STX11: variants seen among roughly 807,000 people sequenced by gnomAD.
The protein encoded by STX11 is syntaxin-11.
A neutral mutation model predicts 19.9 loss-of-function variants in STX11; 21 were observed. The ratio of observed to expected loss-of-function variants is 1.06; its 90% CI spans 0.75 to 1.52. The LOEUF (loss-of-function observed/expected upper bound fraction) is 1.52. Among genes scored for constraint, STX11 ranks in the 40% most tolerant of loss-of-function variants. The pLI, the probability that STX11 is intolerant of heterozygous loss-of-function variation, is 0.00. For missense variants in STX11, 438 were observed against 405.9 expected (o/e 1.08, Z -0.68); for synonymous variants, 193 against 174.4 (o/e 1.11, Z -0.84).
In STX11 at chr6:144,152,954, A is replaced by G. The variant is rs1191809533; in HGVS notation, c.-6+2251A>G. Among the ~76,000 whole-genome samples, 4 of 152,220 alleles carry G rather than the reference A, an allele frequency of 2.6e-5. No homozygotes were observed. The East Asian group carries it at 7.7e-4, about 29-fold the overall frequency. On this transcript the variant is annotated intron_variant, in intron 1 of 1. Transcript: ENST00000367568. The surrounding 1 kb of genome is among the most constrained non-coding windows in gnomAD (Gnocchi z 4.9). Reference sequence around the variant, plus strand: ...CTGCCTAATAGTTTATACATTGGTAACACTATATTGAAGCGAGTTTATGAT... The same window carrying G: ...CTGCCTAATAGTTTATACATTGGTAGCACTATATTGAAGCGAGTTTATGAT...
rs1043749779 is a variant in STX11, at chr6:144,182,457, T to C, written c.-5-4166T>C. On this transcript the variant is annotated intron_variant, in intron 1 of 1. Transcript: ENST00000367568. The surrounding 1 kb of genome is among the most constrained non-coding windows in gnomAD (Gnocchi z 4.8). ...CAATAGAGAATCTTTATGTCTCCTG[T>C]ACCCTTTCTTTTTCTCTTATTAGCA... Among the ~76,000 whole-genome samples the C allele has an allele frequency of 1.3e-5, 2 of 152,230 alleles. No homozygotes were observed. The highest frequency in any genetic ancestry group is 1.9e-4 in the East Asian group (1 of 5,204).
At chr6:144,158,694 T>C (rs936263062) in intron 1 of STX11, among the ~76,000 whole-genome samples, 1 of 152,250 alleles carries the variant, frequency 6.6e-6, no homozygotes. Context: ...CTTAAAACTT[T>C]AATAATTGTC....
At chr6:144,147,174 A>AC (rs199765716), upstream of STX11, among the ~76,000 whole-genome samples, 16 of 152,128 alleles carry the variant, frequency 1.1e-4, no homozygotes, top group East Asian at 7.8e-4. This position sits in a 1 kb window ranked among gnomAD's most constrained non-coding sequence, Gnocchi z 4.2. Flanking sequence ...TTAAAAAAAA[A>AC]AAAAACTGCT....
chr6:144,171,572 A>G (rs1227351778), intron 1 of STX11, among the ~76,000 whole-genome samples: 1 of 152,226 alleles, frequency 6.6e-6, no homozygotes, highest in Non-Finnish European at 1.5e-5. Context: ...ACTGAAACTC[A>G]GCCAAGGTTA....
rs1801269128 is a variant in STX11 at position 144,159,294 on chromosome 6, A to G, written c.-6+8591A>G. Among the ~76,000 whole-genome samples the G allele has an allele frequency of 6.6e-6, 1 of 152,254 alleles. No homozygotes were observed. The highest frequency in any genetic ancestry group is 2.1e-4 in the South Asian group (1 of 4,834). ...AAGCAGAGAAGATAAGTAACAATTG[A>G]ATATGTTATCAAACAACTACCAATA... is the stretch of plus-strand genomic sequence containing the variant. On this transcript the variant is annotated intron_variant, in intron 1 of 1. Transcript: ENST00000367568. This position sits in a 1 kb window ranked among gnomAD's most constrained non-coding sequence, Gnocchi z 4.3.
intron 1 of STX11, among the ~76,000 whole-genome samples, chr6:144,179,541 G>A (rs560841477): frequency 3.4e-4 from 52 of 152,302 alleles, no homozygotes; most frequent in Admixed American, 3.4e-3. Flanking sequence ...GGTGCCTCTG[G>A]TAGCGGGGAT....
chr6:144,165,571 G>C lies in STX11; in HGVS notation c.-6+14868G>C, dbSNP rs2128750238. Among the ~76,000 whole-genome samples the C allele has an allele frequency of 6.6e-6, 1 of 152,282 alleles. No homozygotes were observed. The highest frequency in any genetic ancestry group is 1.5e-5 in the Non-Finnish European group (1 of 68,020). On this transcript the variant is annotated intron_variant, in intron 1 of 1. Transcript: ENST00000367568. The surrounding 1 kb of genome is among the most constrained non-coding windows in gnomAD (Gnocchi z 5.8). ...CCTAACTCTTGTCTTCCTGAAGTTT[G>C]AGCTGAATAGAGCATTAATATGCTG...
chr6:144,187,722 G>A lies in STX11; in HGVS notation c.*231G>A. The A allele has an allele frequency of 1.6e-6, 1 of 637,936 alleles. No homozygotes were observed. The highest frequency in any genetic ancestry group is 2.8e-6 in the Non-Finnish European group (1 of 359,540). 39.5% of individuals were successfully genotyped at this position (637,936 alleles called of 1,614,324 possible). Reference sequence around the variant, plus strand: ...TAAAGATAGATTCCCACAAAGTTGTGCAATGTCATTATATGACACCTTGCA... The same window carrying A: ...TAAAGATAGATTCCCACAAAGTTGTACAATGTCATTATATGACACCTTGCA... On this transcript the variant is annotated 3_prime_UTR_variant, in exon 2 of 2. Coordinates refer to ENST00000367568, the MANE Select transcript of STX11 (RefSeq NM_003764.4). This position sits in a 1 kb window ranked among gnomAD's most constrained non-coding sequence, Gnocchi z 5.6.
chr6:144,140,258 A>ATATATATATATT, the STX11 span, among the ~76,000 whole-genome samples: 1 of 52,506 alleles, frequency 1.9e-5, no homozygotes, highest in African/African-American at 1.4e-4. Context: ...ATATATATTT[A>ATATATATATATT]TTTATTTATT....
rs1191510922 is a variant in STX11, at chr6:144,150,543, C to G, written c.-166C>G. ...GATGCGGCCGCGGCGGCGCGGAGCT[C>G]GGGCGGCCGTGGAGGAACTCAGCCT... On this transcript the variant is annotated 5_prime_UTR_variant, in exon 1 of 2. Transcript: ENST00000367568. 2 of 985,276 alleles carry G rather than the reference C, an allele frequency of 2.0e-6. No homozygotes were observed. The highest frequency in any genetic ancestry group is 1.7e-5 in the African/African-American group (1 of 57,204). 61.0% of individuals were successfully genotyped at this position (985,276 alleles called of 1,614,324 possible).
At chr6:144,164,504 T>C (rs1045424694) in intron 1 of STX11, among the ~76,000 whole-genome samples, 2 of 152,228 alleles carry the variant, frequency 1.3e-5, no homozygotes, top group South Asian at 4.1e-4. Flanking sequence ...TCTGCAGTTT[T>C]GGACATATAA....
At chr6:144,168,838 A>C (rs936827247) in intron 1 of STX11, among the ~76,000 whole-genome samples, 1 of 152,248 alleles carries the variant, frequency 6.6e-6, no homozygotes, top group Non-Finnish European at 1.5e-5. Flanking sequence ...TCATTGATCT[A>C]AGGATACCTT....
chr6:144,184,886 G>C lies in STX11; in HGVS notation c.-5-1737G>C, dbSNP rs1184146738. On this transcript the variant is annotated intron_variant, in intron 1 of 1. Transcript: ENST00000367568. This position sits in a 1 kb window ranked among gnomAD's most constrained non-coding sequence, Gnocchi z 6.5. ...TATATATTAAGTATCTTAACCTCTT[G>C]TCTGTCATATATTATAATTTCTCCC... 6.6e-6 allele frequency among the ~76,000 whole-genome samples: 1 copy of C among 152,014 alleles called. No homozygotes were observed. Among genetic ancestry groups the C allele is most frequent in the South Asian group, 2.1e-4 (1 of 4,832 alleles).
chr6:144,187,992 C>T lies in STX11; in HGVS notation c.*501C>T, dbSNP rs992936111. On this transcript the variant is annotated 3_prime_UTR_variant, in exon 2 of 2. Transcript: ENST00000367568. This position sits in a 1 kb window ranked among gnomAD's most constrained non-coding sequence, Gnocchi z 5.6. ...CGTTCTTCCTTTCCGATTCTTCATC[C>T]GGTCTACGCTATGCAATTCCTCCCC... 2 of 272,666 alleles carry T rather than the reference C, an allele frequency of 7.3e-6. No homozygotes were observed. The highest frequency in any genetic ancestry group is 1.5e-5 in the Non-Finnish European group (2 of 131,672). The allele number at this position is 272,666 out of a possible 1,614,324, so 16.9% of individuals were successfully genotyped here. A position where few individuals can be genotyped will look rare whatever the true frequency, so the allele number is the denominator to read the frequency against.
chr6:144,158,229 G>A (rs1280684528), intron 1 of STX11, among the ~76,000 whole-genome samples: 1 of 152,190 alleles, frequency 6.6e-6, no homozygotes, highest in East Asian at 1.9e-4. Context: ...CAGCAGAGGA[G>A]CACCGGAGCC....
chr6:144,181,186 G>T (rs1801903605), intron 1 of STX11, among the ~76,000 whole-genome samples: 1 of 152,176 alleles, frequency 6.6e-6, no homozygotes, highest in Non-Finnish European at 1.5e-5. Flanking sequence ...TCCAGTGGGG[G>T]AGAGAGGCCA....
rs1801254641 is a variant in STX11 at position 144,159,028 on chromosome 6, C to A, written c.-6+8325C>A. Among the ~76,000 whole-genome samples, 1 of 152,200 alleles carries A rather than the reference C, an allele frequency of 6.6e-6. No individual in the cohort carries two copies. On this transcript the variant is annotated intron_variant, in intron 1 of 1. Transcript: ENST00000367568. This position sits in a 1 kb window ranked among gnomAD's most constrained non-coding sequence, Gnocchi z 4.3. ...GACTTCTCAAAGTATTCCCATAGAT[C>A]CCTCTATTATGGCATTTATTATCAT...
In STX11 at chr6:144,155,904, C is replaced by T. The variant is rs936591240; in HGVS notation, c.-6+5201C>T. Among the ~76,000 whole-genome samples the T allele has an allele frequency of 1.3e-5, 2 of 151,462 alleles. No individual in the cohort carries two copies. The highest frequency in any genetic ancestry group is 6.6e-5 in the Admixed American group (1 of 15,168). On this transcript the variant is annotated intron_variant, in intron 1 of 1. Transcript: ENST00000367568. The surrounding 1 kb of genome is among the most constrained non-coding windows in gnomAD (Gnocchi z 4.5). The stretch of plus-strand genomic sequence containing the variant: ...TTGTAGAATTGGTAATTTTCAGTTG[C>T]CCTTCTTGAGCTAATTAAATGTGTT...
upstream of STX11, among the ~76,000 whole-genome samples, chr6:144,150,323 C>T (rs1251369044): frequency 6.6e-6 from 1 of 152,242 alleles, no homozygotes; most frequent in Non-Finnish European, 1.5e-5. Flanking sequence ...CGCGGGAACG[C>T]CCCTGGGCTT....
Sources: gnomAD v4.1 joint callset for allele counts (sites outside exome capture counted in the v4.1 genomes callset) on GRCh38, gnomAD v4.1.1 for gene constraint, Gnocchi (gnomAD v3.1) non-coding constraint, MANE v1.5 for transcripts, NCBI Gene and HGNC (gene_info 2026-07-23, HGNC 2026-07-21) for gene names.